The following CA10 variants were observed in gnomAD, a reference collection of about 807,000 sequenced individuals.
CA10 encodes the protein carbonic anhydrase 10 (inactive).
CA10 carries 14 observed loss-of-function variants against 44.2 expected under a neutral mutation model. The ratio of observed to expected loss-of-function variants is 0.32; its 90% CI spans 0.21 to 0.50. The LOEUF (loss-of-function observed/expected upper bound fraction) is 0.50, where lower values mean the gene tolerates loss of function less well. CA10 is among the 20% of genes least tolerant of loss of function. The pLI is 0.99. For synonymous variants in CA10, 159 were observed against 141.6 expected (o/e 1.12, Z -0.87); for missense variants, 350 against 409.7 (o/e 0.85, Z 1.26).
Position 51,883,007 on chromosome 17 carries a change from T to G in CA10, c.279+47983A>C, listed in dbSNP as rs73989444. On this transcript the variant is annotated intron_variant, in intron 3 of 8. Transcript: ENST00000451037. ...TTTTGTTTGTATGATAGATTTTATG[T>G]GTACAGTGCAGGTCTAGAAGAATTC... 6.9e-3 allele frequency among the ~76,000 whole-genome samples: 1,051 copies of G among 152,316 alleles called. 15 individuals are homozygous for G. The highest frequency in any genetic ancestry group is 0.023 in the African/African-American group (975 of 41,568).
intron 6 of CA10, 55 bp from the exon 7 acceptor site, chr17:51,636,064 G>C: frequency 9.0e-7 from 1 of 1,112,072 alleles, no homozygotes; most frequent in South Asian, 1.6e-5. Context: ...GGATGGTATT[G>C]CTGACATACA....
At chr17:51,934,960 T>A (rs892884526) in intron 2 of CA10, among the ~76,000 whole-genome samples, 1 of 152,130 alleles carries the variant, frequency 6.6e-6, no homozygotes, top group African/African-American at 2.4e-5. Flanking sequence ...ATGAAGTGCC[T>A]GTGCCTACTG....
intron 4 of CA10, among the ~76,000 whole-genome samples, chr17:51,710,921 CTTTTTTTTT>C (rs55854155): frequency 8.9e-4 from 75 of 84,474 alleles, no homozygotes; most frequent in African/African-American, 2.8e-3. Flanking sequence ...CAACATTTTG[CTTTTTTTTT>C]TTTTTTTTTT....
intron 3 of CA10, among the ~76,000 whole-genome samples, chr17:51,906,353 G>T (rs1029833335): frequency 1.3e-5 from 2 of 151,868 alleles, no homozygotes; most frequent in South Asian, 4.2e-4. Context: ...TCAGCTAATT[G>T]CTCTCTCCAG....
chr17:51,657,282 T>G (rs73987136), intron 4 of CA10, among the ~76,000 whole-genome samples: 2,509 of 152,266 alleles, frequency 0.016, 54 homozygotes, highest in South Asian at 0.041. Context: ...AAAGATAACC[T>G]GGGACCTGTA....
intron 1 of CA10, among the ~76,000 whole-genome samples, chr17:52,083,730 A>G (rs1303584990): frequency 1.3e-5 from 2 of 152,192 alleles, no homozygotes; most frequent in Admixed American, 1.3e-4. Flanking sequence ...ATGTTGCTGC[A>G]AAAGATGTGA....
At chr17:51,886,253 G>A (rs537936653) in intron 3 of CA10, among the ~76,000 whole-genome samples, 36 of 152,264 alleles carry the variant, frequency 2.4e-4, no homozygotes, top group Non-Finnish European at 4.4e-4. Flanking sequence ...AGATGAGAAG[G>A]AGTGGCTATA....
At chr17:52,131,485 G>T (rs1989238582) in intron 1 of CA10, among the ~76,000 whole-genome samples, 1 of 152,130 alleles carries the variant, frequency 6.6e-6, no homozygotes, top group Admixed American at 6.5e-5. Flanking sequence ...ACTATATGCA[G>T]AAAGTATTTT....
At chr17:51,733,135 G>A (rs1027342146) in intron 4 of CA10, among the ~76,000 whole-genome samples, 6 of 152,194 alleles carry the variant, frequency 3.9e-5, no homozygotes, top group Non-Finnish European at 8.8e-5. Flanking sequence ...GACAGTGGCA[G>A]GATTTGTTCT....
intron 2 of CA10, among the ~76,000 whole-genome samples, chr17:51,994,057 A>C (rs1358956834): frequency 3.9e-5 from 6 of 152,048 alleles, no homozygotes; most frequent in Non-Finnish European, 1.5e-5. Flanking sequence ...AGAAGGGAGA[A>C]TGACTAACTC....
intron 3 of CA10, among the ~76,000 whole-genome samples, chr17:51,800,594 A>G (rs1598051451): frequency 6.6e-6 from 1 of 152,220 alleles, no homozygotes; most frequent in African/African-American, 2.4e-5. Flanking sequence ...ACCATACTTC[A>G]TAAAATCTAT....
At chr17:52,119,854 A>T (rs1352561541) in intron 1 of CA10, among the ~76,000 whole-genome samples, 1 of 151,996 alleles carries the variant, frequency 6.6e-6, no homozygotes, top group Non-Finnish European at 1.5e-5. Flanking sequence ...AGCTGTTTTA[A>T]TTTTTTTTCC....
chr17:52,079,570 ACTTGCAGTCCAGCTCACACAAT>A (rs2143165519), intron 1 of CA10, among the ~76,000 whole-genome samples: 1 of 152,292 alleles, frequency 6.6e-6, no homozygotes, highest in African/African-American at 2.4e-5. Flanking sequence ...TATTATACCA[ACTTGCAGTCCAGCTCACACAAT>A]CCTTGGGAGG....
rs373668700 is a variant in CA10, at chr17:52,084,840, G to T, written c.62-12447C>A. Reference sequence around the variant, plus strand: ...ATTAGCCATATCTCCTTTGTAGGTAGGTGTGGACATGTGAATAAGTTCTGG... The same window carrying T: ...ATTAGCCATATCTCCTTTGTAGGTATGTGTGGACATGTGAATAAGTTCTGG... On this transcript the variant is annotated intron_variant, in intron 1 of 8. Transcript: ENST00000451037. 8.5e-5 allele frequency among the ~76,000 whole-genome samples: 13 copies of T among 152,298 alleles called. No individual in the cohort carries two copies. The East Asian group carries it at 1.3e-3, about 16-fold the overall frequency.
intron 3 of CA10, among the ~76,000 whole-genome samples, chr17:51,812,947 G>A (rs577875878): frequency 2.6e-5 from 4 of 152,294 alleles, no homozygotes; most frequent in African/African-American, 9.6e-5. Context: ...GTCACAATAG[G>A]TGAGCCTTCC....
At chr17:52,065,363 G>A (rs1448150125) in intron 2 of CA10, among the ~76,000 whole-genome samples, 1 of 152,214 alleles carries the variant, frequency 6.6e-6, no homozygotes, top group Non-Finnish European at 1.5e-5. Flanking sequence ...TTGAGGAACA[G>A]CCTTTCACTC....
At chr17:51,867,080 TAA>T (rs757495783) in intron 3 of CA10, among the ~76,000 whole-genome samples, 3 of 147,138 alleles carry the variant, frequency 2.0e-5, no homozygotes, top group Non-Finnish European at 4.5e-5. Context: ...CCTGTGCTAT[TAA>T]AAAAAAAAGA....
intron 4 of CA10, among the ~76,000 whole-genome samples, chr17:51,739,812 C>T (rs1055086785): frequency 5.3e-5 from 8 of 152,154 alleles, no homozygotes; most frequent in Non-Finnish European, 7.3e-5. Context: ...TGCTTTGCTT[C>T]TCGAAGGCCA....
At chr17:52,145,343 A>G (rs1989561366) in intron 1 of CA10, among the ~76,000 whole-genome samples, 1 of 152,170 alleles carries the variant, frequency 6.6e-6, no homozygotes, top group South Asian at 2.1e-4. Context: ...TAAAGTTCCT[A>G]AGTTGGAAAG....
Sources: gnomAD v4.1 joint callset for allele counts (sites outside exome capture counted in the v4.1 genomes callset) on GRCh38, gnomAD v4.1.1 for gene constraint, MANE v1.5 for transcripts, NCBI Gene and HGNC (gene_info 2026-07-23, HGNC 2026-07-21) for gene names.